The following MYH9 variants were observed in gnomAD, a reference collection of about 807,000 sequenced individuals.
MYH9 encodes the protein myosin heavy chain 9.
A neutral mutation model predicts 241.9 loss-of-function variants in MYH9; 29 were observed. That is an observed-to-expected ratio of 0.12 (90% confidence interval 0.09 to 0.16). MYH9 has a LOEUF of 0.16. MYH9 is among the 10% of genes least tolerant of loss of function. MYH9 has a pLI of 1.00. For synonymous variants in MYH9, 1,047 were observed against 1,062.6 expected (o/e 0.99, Z 0.29); for missense variants, 1,803 against 2,595.5 (o/e 0.69, Z 6.63).
At position 36,281,519 on chromosome 22, in the gene MYH9, AT is replaced by A. The variant is rs888518808; in HGVS notation, c.*1148del. The A allele has an allele frequency of 2.7e-4, 60 of 225,118 alleles. 1 individual carries two copies. The highest frequency in any genetic ancestry group is 1.2e-3 in the African/African-American group (55 of 44,194). 13.9% of individuals were successfully genotyped at this position (225,118 alleles called of 1,614,324 possible). ...AGTTTGTTTCCTTTAAAAAAAAAAA[AT>A]GCCTTCTTGCCGTAAGTCTCAATGC... On this transcript the variant is annotated 3_prime_UTR_variant, in exon 41 of 41. Coordinates refer to ENST00000216181, the MANE Select transcript of MYH9 (RefSeq NM_002473.6).
At chr22:36,345,347 T>C (rs1201090951) in intron 2 of MYH9, among the ~76,000 whole-genome samples, 2 of 147,206 alleles carry the variant, frequency 1.4e-5, no homozygotes, top group East Asian at 4.0e-4. Flanking sequence ...CATGGAATCC[T>C]CGCAGATGAG....
In MYH9 at chr22:36,322,432, G is replaced by C; in HGVS notation, c.702C>G (p.Arg234=). The C allele has an allele frequency of 6.2e-7, 1 of 1,613,908 alleles. No homozygotes were observed. Among genetic ancestry groups the C allele is most frequent in the Non-Finnish European group, 8.5e-7 (1 of 1,179,964 alleles). The part of the protein sequence containing the change: ...AKTVKNDNSS[R]FGKFIRINFD... ...GGGGCGCCGCCGCGCTACTCACGAA[G>C]CGGGAGGAGTTGTCATTCTTCACGG... The change falls in exon 6 of 41, where the codon CGC becomes CGG. Residue 234 remains arginine (R), a synonymous_variant. Coordinates refer to ENST00000216181, the MANE Select transcript of MYH9 (RefSeq NM_002473.6).
chr22:36,307,154 G>A (rs928654246), intron 15 of MYH9, among the ~76,000 whole-genome samples: 1 of 152,152 alleles, frequency 6.6e-6, no homozygotes, highest in East Asian at 1.9e-4. Context: ...CTATATCTAC[G>A]CAGACATCTC....
chr22:36,298,794 AGTGTGACCCAGGCTCACCC>A, intron 24 of MYH9, 106 bp downstream of exon 24: 2 of 1,418,538 alleles, frequency 1.4e-6, no homozygotes, highest in Non-Finnish European at 2.0e-6. Flanking sequence ...CCAGTGCTGT[AGTGTGACCCAGGCTCACCC>A]GTGAGCTGAG....
intron 10 of MYH9, among the ~76,000 whole-genome samples, chr22:36,318,973 A>G (rs2017205316): frequency 6.6e-6 from 1 of 152,056 alleles, no homozygotes; most frequent in African/African-American, 2.4e-5. Context: ...AATGTTGGCC[A>G]GGCTGGTCTC....
intron 3 of MYH9, among the ~76,000 whole-genome samples, chr22:36,335,932 T>C (rs2146378957): frequency 6.6e-6 from 1 of 152,298 alleles, no homozygotes; most frequent in East Asian, 1.9e-4. Context: ...CTACCCCTCA[T>C]TGTTTACAGA....
At chr22:36,386,691 G>A (rs2018356448) in intron 1 of MYH9, among the ~76,000 whole-genome samples, 1 of 152,068 alleles carries the variant, frequency 6.6e-6, no homozygotes, top group South Asian at 2.1e-4. Context: ...GGCTGGGTGG[G>A]GCCGTGCGCT....
At chr22:36,365,021 T>G (rs1293234207) in intron 1 of MYH9, 1 of 143,344 alleles carries the variant, frequency 7.0e-6, no homozygotes, top group African/African-American at 2.6e-5. Flanking sequence ...ACTTCTGCAT[T>G]GGATCGGAGT....
intron 1 of MYH9, among the ~76,000 whole-genome samples, chr22:36,360,909 C>G (rs1459460204): frequency 6.6e-6 from 1 of 152,168 alleles, no homozygotes; most frequent in Non-Finnish European, 1.5e-5. Flanking sequence ...AGGCACCACC[C>G]AGGCCTCGGC....
chr22:36,317,420 G>A (rs2017175152), intron 11 of MYH9, among the ~76,000 whole-genome samples: 1 of 151,954 alleles, frequency 6.6e-6, no homozygotes, highest in Non-Finnish European at 1.5e-5. Context: ...TTTTGTAATA[G>A]AAAATGGAGG....
At chr22:36,356,986 A>G (rs1037262593) in intron 1 of MYH9, among the ~76,000 whole-genome samples, 6 of 152,274 alleles carry the variant, frequency 3.9e-5, no homozygotes, top group African/African-American at 1.4e-4. Flanking sequence ...CTGTAAATGC[A>G]GATAATATTT....
At position 36,306,124 on chromosome 22, in the gene MYH9, T is replaced by G; in HGVS notation, c.2038-73A>C. 1 of 1,600,062 alleles carries G rather than the reference T, an allele frequency of 6.2e-7. No individual in the cohort carries two copies. The highest frequency in any genetic ancestry group is 8.5e-7 in the Non-Finnish European group (1 of 1,175,510). ...AGTCGGAGAATAGTCAGGGAACCCCTATGAACCTGACAGGGCAAGAGCCTA... is the reference window on the plus strand; with the variant it reads ...AGTCGGAGAATAGTCAGGGAACCCCGATGAACCTGACAGGGCAAGAGCCTA... On this transcript the variant is annotated intron_variant, in intron 16 of 40. Transcript: ENST00000216181. This position sits in a 1 kb window ranked among gnomAD's most constrained non-coding sequence, Gnocchi z 4.1.
rs112202350 is a variant in MYH9, at chr22:36,306,647, T to G, written c.1844-40A>C. 10 of 1,589,508 alleles carry G rather than the reference T, an allele frequency of 6.3e-6. No homozygotes were observed. Among genetic ancestry groups the G allele is most frequent in the Non-Finnish European group, 8.6e-6 (10 of 1,168,360 alleles). On this transcript the variant is annotated intron_variant, in intron 15 of 40. Transcript: ENST00000216181. This position sits in a 1 kb window ranked among gnomAD's most constrained non-coding sequence, Gnocchi z 4.1. ...GAGAACACGTGAGTGCCCACACAGT[T>G]GCAGCTGGGTGGTGGGGGAGCACGT... is the stretch of plus-strand genomic sequence containing the variant.
rs765414397 is a variant in MYH9 at position 36,302,662 on chromosome 22, C to T, written c.2405G>A (p.Arg802Gln). The change falls in exon 20 of 41, where the codon CGG (arginine) becomes CAG (glutamine). Residue 802 changes from arginine to glutamine, a missense_variant. Coordinates refer to ENST00000216181, the MANE Select transcript of MYH9 (RefSeq NM_002473.6). ...CTTCATGGCGGTAAGCTGCTGCTGC[C>T]GCTTGGCAAATGCTCTGTGTGGTGA... is the stretch of plus-strand genomic sequence containing the variant. ...GYLARKAFAKRQQQLTAMKVL... is the reference protein window; with the variant it reads ...GYLARKAFAKQQQQLTAMKVL... 3.7e-6 allele frequency: 6 copies of T among 1,613,228 alleles called. No individual in the cohort carries two copies. The highest frequency in any genetic ancestry group is 1.7e-5 in the Admixed American group (1 of 60,016).
In MYH9 at chr22:36,305,377, G is replaced by A. The variant is rs1437107830; in HGVS notation, c.2160-275C>T. Among the ~76,000 whole-genome samples the A allele has an allele frequency of 3.3e-5, 5 of 152,170 alleles. No individual in the cohort carries two copies. The highest frequency in any genetic ancestry group is 7.2e-5 in the African/African-American group (3 of 41,422). ...GGGCGTGCTTCAGGTTGGACTAAGT[G>A]CTAATTGCCTGAGATCCTCATCTGT... On this transcript the variant is annotated intron_variant, in intron 17 of 40. Transcript: ENST00000216181. The surrounding 1 kb of genome is among the most constrained non-coding windows in gnomAD (Gnocchi z 4.7).
chr22:36,321,993 C>T (rs1481214659), intron 6 of MYH9, 172 bp from the exon 7 acceptor site: 26 of 666,648 alleles, frequency 3.9e-5, no homozygotes, highest in Non-Finnish European at 6.0e-5. Context: ...CCACACCACA[C>T]GGGACCTCGG....
At chr22:36,303,282 G>A (rs756441562) in intron 19 of MYH9, among the ~76,000 whole-genome samples, 6 of 151,938 alleles carry the variant, frequency 3.9e-5, no homozygotes, top group Non-Finnish European at 7.4e-5. Flanking sequence ...CAGGGGAGCC[G>A]TCATTCCCCA....
At chr22:36,308,536 A>T (rs1279137914) in intron 15 of MYH9, among the ~76,000 whole-genome samples, 1 of 151,800 alleles carries the variant, frequency 6.6e-6, no homozygotes, top group Admixed American at 6.6e-5. Context: ...AGCCTCCCAG[A>T]TTGCTGGGAT....
At chr22:36,363,079 A>G (rs972648467) in intron 1 of MYH9, among the ~76,000 whole-genome samples, 16 of 152,146 alleles carry the variant, frequency 1.1e-4, no homozygotes, top group Admixed American at 2.0e-4. Context: ...CCATCTCCCC[A>G]ATTCTCCACA....
Sources: allele counts gnomAD v4.1 joint callset (sites outside exome capture counted in the v4.1 genomes callset), GRCh38; gene constraint gnomAD v4.1.1; non-coding constraint Gnocchi (gnomAD v3.1); transcripts MANE v1.5; gene names NCBI Gene and HGNC (gene_info 2026-07-23, HGNC 2026-07-21).